Variants in TTLL11 observed in about 807,000 individuals in gnomAD.
The protein encoded by TTLL11 is tubulin polyglutamylase TTLL11.
A neutral mutation model predicts 51.7 loss-of-function variants in TTLL11; 42 were observed. That is an observed-to-expected ratio of 0.81 (90% confidence interval 0.64 to 1.05). The LOEUF is 1.05. Ranked by LOEUF, TTLL11 falls within the 50% of genes least tolerant of loss-of-function variation. TTLL11 has a pLI of 0.00. For synonymous variants in TTLL11, 381 were observed against 383.5 expected (o/e 0.99, Z 0.08); for missense variants, 799 against 940.4 (o/e 0.85, Z 1.97).
chr9:122,018,109 C>CTTTTTT (rs386416144), intron 3 of TTLL11, among the ~76,000 whole-genome samples: 1 of 121,572 alleles, frequency 8.2e-6, no homozygotes, highest in Non-Finnish European at 1.7e-5. Flanking sequence ...AATAATGCCA[C>CTTTTTT]TTTTTTTTTT....
intron 3 of TTLL11, among the ~76,000 whole-genome samples, chr9:122,020,687 T>A (rs1283869627): frequency 6.6e-6 from 1 of 152,210 alleles, no homozygotes; most frequent in Non-Finnish European, 1.5e-5. Context: ...GTAGGCTCTT[T>A]GGAGGGCAAT....
intron 6 of TTLL11, among the ~76,000 whole-genome samples, chr9:121,935,135 T>G (rs1273623957): frequency 1.3e-5 from 2 of 151,636 alleles, no homozygotes; most frequent in Admixed American, 1.3e-4. Context: ...TTTTTTGTAT[T>G]TTTAGTAGAG....
At chr9:122,062,187 C>T (rs1020518720) in intron 1 of TTLL11, among the ~76,000 whole-genome samples, 2 of 152,058 alleles carry the variant, frequency 1.3e-5, no homozygotes, top group African/African-American at 2.4e-5. Flanking sequence ...CTGAGGGGCT[C>T]GATCTCTTAC....
At chr9:121,981,798 T>C (rs1363300380) in intron 4 of TTLL11, among the ~76,000 whole-genome samples, 6 of 152,226 alleles carry the variant, frequency 3.9e-5, no homozygotes, top group Non-Finnish European at 2.9e-5. Flanking sequence ...CCCTCGCTGT[T>C]AAGGCAGAAC....
intron 1 of TTLL11, among the ~76,000 whole-genome samples, chr9:122,066,593 T>G (rs1217278751): frequency 6.6e-6 from 1 of 152,150 alleles, no homozygotes; most frequent in Non-Finnish European, 1.5e-5. Context: ...ATAACAGACA[T>G]GACTCCCTTT....
At chr9:121,953,683 C>A (rs1345213521) in intron 6 of TTLL11, among the ~76,000 whole-genome samples, 4 of 146,778 alleles carry the variant, frequency 2.7e-5, no homozygotes, top group African/African-American at 1.0e-4. Context: ...CATTTCCCAA[C>A]TACCAAGAAA....
chr9:122,076,230 G>A (rs760585063), intron 1 of TTLL11, among the ~76,000 whole-genome samples: 8 of 152,142 alleles, frequency 5.3e-5, no homozygotes, highest in East Asian at 3.8e-4. Flanking sequence ...TCTTCAAGCC[G>A]TCTGTAAGCC....
chr9:122,027,172 G>C (rs949146900), intron 3 of TTLL11, among the ~76,000 whole-genome samples: 21 of 152,104 alleles, frequency 1.4e-4, no homozygotes, highest in Admixed American at 6.5e-4. Flanking sequence ...GGAGGGAGGT[G>C]CTACACACTT....
Position 122,039,309 on chromosome 9 carries a change from G to T in TTLL11, c.522C>A (p.Asp174Glu). Residue 174 changes from aspartate to glutamate, a missense_variant, in exon 2 of 9, where the codon GAC becomes GAA. Physicochemically the swap from Asp to Glu is conservative, Grantham distance 45. Coordinates refer to ENST00000321582, the MANE Select transcript of TTLL11 (RefSeq NM_001139442.2). The part of the protein sequence containing the change: ...DIYWHGVSFH[D>E]NDIFSGQVNK... ...TCACTTGACCGGAGAATATGTCATTGTCGTGAAATGAAACTCCATGCCAGT... is the reference window on the plus strand; with the variant it reads ...TCACTTGACCGGAGAATATGTCATTTTCGTGAAATGAAACTCCATGCCAGT... The T allele has an allele frequency of 6.2e-7, 1 of 1,614,066 alleles. No homozygotes were observed. The highest frequency in any genetic ancestry group is 8.5e-7 in the Non-Finnish European group (1 of 1,179,932).
chr9:122,021,830 G>A (rs1844190507), intron 3 of TTLL11, among the ~76,000 whole-genome samples: 1 of 152,090 alleles, frequency 6.6e-6, no homozygotes. Context: ...CGTGATATGG[G>A]CCACAATGAA....
chr9:122,055,981 T>G (rs1803236215), intron 1 of TTLL11, among the ~76,000 whole-genome samples: 1 of 152,222 alleles, frequency 6.6e-6, no homozygotes, highest in African/African-American at 2.4e-5. Context: ...CGGAGCTGCC[T>G]CGGGCATTCA....
At chr9:121,885,092 C>T (rs1053054979) in intron 6 of TTLL11, 2 of 152,196 alleles carry the variant, frequency 1.3e-5, no homozygotes, top group Non-Finnish European at 2.9e-5. Context: ...TCTTAGTCCT[C>T]GTGTAGCTTT....
chr9:121,824,307 TC>T (rs1227248942), intron 8 of TTLL11, among the ~76,000 whole-genome samples: 1 of 151,654 alleles, frequency 6.6e-6, no homozygotes, highest in African/African-American at 2.4e-5. Context: ...AAACCTTGTC[TC>T]TACTAAAAAT....
At chr9:121,986,807 C>A (rs1842954112) in intron 4 of TTLL11, among the ~76,000 whole-genome samples, 1 of 151,980 alleles carries the variant, frequency 6.6e-6, no homozygotes, top group Admixed American at 6.6e-5. Flanking sequence ...AGAGACACTG[C>A]CCCACTCCCT....
At chr9:121,991,391 A>G (rs998812180) in intron 3 of TTLL11, among the ~76,000 whole-genome samples, 5 of 152,212 alleles carry the variant, frequency 3.3e-5, no homozygotes, top group African/African-American at 7.2e-5. Context: ...CAAGAGATCA[A>G]TGCAAGCCTC....
chr9:121,836,585 C>G (rs544653692), intron 8 of TTLL11, among the ~76,000 whole-genome samples: 1 of 152,190 alleles, frequency 6.6e-6, no homozygotes, highest in South Asian at 2.1e-4. Context: ...CCTTTCTCTA[C>G]GAGGATCTGA....
At chr9:121,978,422 G>A (rs1416529065) in intron 4 of TTLL11, among the ~76,000 whole-genome samples, 1 of 151,962 alleles carries the variant, frequency 6.6e-6, no homozygotes, top group African/African-American at 2.4e-5. Context: ...TTACCTATGT[G>A]ATAAACTGGG....
chr9:122,057,322 CT>C (rs58226814), intron 1 of TTLL11, among the ~76,000 whole-genome samples: 11,306 of 128,096 alleles, frequency 0.088, 548 homozygotes, highest in Admixed American at 0.14. Context: ...AGCTCAAATC[CT>C]TTTTTTTTTT....
chr9:121,844,378 C>T (rs114203236), intron 8 of TTLL11, among the ~76,000 whole-genome samples: 3,886 of 152,192 alleles, frequency 0.026, 104 homozygotes, highest in African/African-American at 0.072. Context: ...AAACACAGCC[C>T]AGCTCCTAGA....
Sources: allele counts gnomAD v4.1 joint callset (sites outside exome capture counted in the v4.1 genomes callset), GRCh38; gene constraint gnomAD v4.1.1; transcripts MANE v1.5; gene names NCBI Gene and HGNC (gene_info 2026-07-23, HGNC 2026-07-21).